The following ZNF689 variants were observed in gnomAD, a reference collection of about 807,000 sequenced individuals.
ZNF689 encodes the protein zinc finger protein 689.
ZNF689 carries 14 observed loss-of-function variants against 37.2 expected under a neutral mutation model. The observed-to-expected ratio is 0.38, with a 90% CI of 0.25 to 0.59. ZNF689 has a LOEUF of 0.59. Ranked by LOEUF, ZNF689 falls within the 20% of genes least tolerant of loss-of-function variation. The probability of loss-of-function intolerance (pLI) is 0.68; values close to 1 mark genes in which losing one functional copy is unlikely to be tolerated. For missense variants in ZNF689, 573 were observed against 700.2 expected (o/e 0.82, Z 2.05); for synonymous variants, 277 against 283.3 (o/e 0.98, Z 0.22).
rs1186285656 is a variant in ZNF689 at position 30,604,103 on chromosome 16, G to A, written c.*161C>T. On this transcript the variant is annotated 3_prime_UTR_variant, in exon 3 of 3. Transcript: ENST00000287461. This position sits in a 1 kb window ranked among gnomAD's most constrained non-coding sequence, Gnocchi z 5.2. ...CTCCTAATGGGACTGTTCCAGACACGCACAGGGAGGCAGCCAGCGCATTGC... is the reference window on the plus strand; with the variant it reads ...CTCCTAATGGGACTGTTCCAGACACACACAGGGAGGCAGCCAGCGCATTGC... The A allele has an allele frequency of 1.2e-6, 1 of 802,832 alleles. No homozygotes were observed. Among genetic ancestry groups the A allele is most frequent in the Non-Finnish European group, 2.1e-6 (1 of 470,118 alleles). 49.7% of individuals were successfully genotyped at this position (802,832 alleles called of 1,614,324 possible).
chr16:30,604,334 C>A lies in ZNF689; in HGVS notation c.1433G>T (p.Ser478Ile). ...AGGGCTACAGTTTGGGGCCTTGGGG[C>A]TACACTTGTGGACAGCCAGAGACCA... ...QRWSLAVHKC[S>I]PKAPNCSPRS... Residue 478 changes from serine to isoleucine, a missense_variant, in exon 3 of 3, where the codon AGC (serine) becomes ATC (isoleucine). By Grantham distance (142) the Ser-to-Ile change is moderately radical (BLOSUM62 -2). Coordinates refer to ENST00000287461, the MANE Select transcript of ZNF689 (RefSeq NM_138447.3). The surrounding 1 kb of genome is among the most constrained non-coding windows in gnomAD (Gnocchi z 5.2). 6.2e-7 allele frequency: 1 copy of A among 1,613,898 alleles called. No homozygotes were observed. Among genetic ancestry groups the A allele is most frequent in the Non-Finnish European group, 8.5e-7 (1 of 1,179,920 alleles).
chr16:30,609,469 T>G, intron 2 of ZNF689, 56 bp downstream of exon 2: 1 of 1,522,424 alleles, frequency 6.6e-7, no homozygotes, highest in Non-Finnish European at 9.1e-7. Context: ...ACAGAGCCGT[T>G]AGAGGTAGAA....
rs1404131542 is a variant in ZNF689 at position 30,610,342 on chromosome 16, G to C, written c.-301C>G. 4.9e-6 allele frequency: 2 copies of C among 406,580 alleles called. No individual in the cohort carries two copies. Among genetic ancestry groups the C allele is most frequent in the South Asian group, 3.6e-5 (1 of 28,072 alleles). The allele number at this position is 406,580 out of a possible 1,614,324, so 25.2% of individuals were successfully genotyped here. A position where few individuals can be genotyped will look rare whatever the true frequency, so the allele number is the denominator to read the frequency against. Reference sequence around the variant, plus strand: ...CTTCCAGCTATCGATTTTATTGACCGGAGCGCCATGCCGGCTTCCTAACCT... The same window carrying C: ...CTTCCAGCTATCGATTTTATTGACCCGAGCGCCATGCCGGCTTCCTAACCT... On this transcript the variant is annotated 5_prime_UTR_variant, in exon 1 of 3. Transcript: ENST00000287461.
intron 2 of ZNF689, among the ~76,000 whole-genome samples, chr16:30,606,986 C>T (rs1227635163): frequency 6.6e-6 from 1 of 151,776 alleles, no homozygotes; most frequent in African/African-American, 2.4e-5. Flanking sequence ...CGTGGTGGCT[C>T]ATGTCTGTAA....
rs2052028557 is a variant in ZNF689, at chr16:30,605,582, C to G, written c.320-135G>C. On this transcript the variant is annotated intron_variant, in intron 2 of 2. Coordinates refer to ENST00000287461, the MANE Select transcript of ZNF689 (RefSeq NM_138447.3). This position sits in a 1 kb window ranked among gnomAD's most constrained non-coding sequence, Gnocchi z 5.1. ...GCCACAGACAGCTAAGTGTGACATACTGTCATGCAAATACGGTGTGCATTA... is the reference window on the plus strand; with the variant it reads ...GCCACAGACAGCTAAGTGTGACATAGTGTCATGCAAATACGGTGTGCATTA... 1.1e-6 allele frequency: 1 copy of G among 884,542 alleles called. No homozygotes were observed. Among genetic ancestry groups the G allele is most frequent in the East Asian group, 2.6e-5 (1 of 37,948 alleles). 54.8% of individuals were successfully genotyped at this position (884,542 alleles called of 1,614,324 possible). A position where few individuals can be genotyped will look rare whatever the true frequency, so the allele number is the denominator to read the frequency against.
rs377496773 is a variant in ZNF689, at chr16:30,604,437, G to A, written c.1330C>T (p.Leu444=). The change falls in exon 3 of 3, where the codon CTG becomes TTG. Residue 444 remains leucine, a synonymous_variant. Transcript: ENST00000287461. The surrounding 1 kb of genome is among the most constrained non-coding windows in gnomAD (Gnocchi z 5.2). ...CSKRFAQWSH[L]AQHQLLHTGE... ...GTGTGCAGCAGCTGGTGCTGGGCCA[G>A]GTGGCTCCACTGAGCAAAACGCTTG... The A allele has an allele frequency of 1.2e-6, 2 of 1,612,968 alleles. No individual in the cohort carries two copies. Among genetic ancestry groups the A allele is most frequent in the African/African-American group, 2.7e-5 (2 of 74,936 alleles).
chr16:30,605,784 C>A lies in ZNF689; in HGVS notation c.320-337G>T, dbSNP rs1488994478. 1.3e-5 allele frequency among the ~76,000 whole-genome samples: 2 copies of A among 152,000 alleles called. No homozygotes were observed. The highest frequency in any genetic ancestry group is 4.8e-5 in the African/African-American group (2 of 41,388). ...AGCAGCCTGACCAACATGGTGAAAC[C>A]CTGTTTCTACTAAAAATACAAAAAT... On this transcript the variant is annotated intron_variant, in intron 2 of 2. Coordinates refer to ENST00000287461, the MANE Select transcript of ZNF689 (RefSeq NM_138447.3). This position sits in a 1 kb window ranked among gnomAD's most constrained non-coding sequence, Gnocchi z 5.1.
At chr16:30,609,388 A>T (rs1389489502) in intron 2 of ZNF689, 137 bp downstream of exon 2, 1 of 674,202 alleles carries the variant, frequency 1.5e-6, no homozygotes, top group Non-Finnish European at 2.5e-6. Flanking sequence ...CCACACCACC[A>T]GACACAAGAG....
In ZNF689 at chr16:30,604,503, C is replaced by A; in HGVS notation, c.1264G>T (p.Val422Leu). The A allele has an allele frequency of 1.3e-6, 2 of 1,597,902 alleles. No homozygotes were observed. Among genetic ancestry groups the A allele is most frequent in the Admixed American group, 1.8e-5 (1 of 56,784 alleles). Residue 422 changes from valine to leucine, a missense_variant, in exon 3 of 3, where the codon GTG becomes TTG. By Grantham distance (32) the Val-to-Leu change is conservative. Coordinates refer to ENST00000287461, the MANE Select transcript of ZNF689 (RefSeq NM_138447.3). This position sits in a 1 kb window ranked among gnomAD's most constrained non-coding sequence, Gnocchi z 5.2. Reference protein sequence around the residue: ...YPSLLASHRRVHSGERPYACD... With the variant: ...YPSLLASHRRLHSGERPYACD... ...GCATAGGGCCGCTCGCCCGAGTGCA[C>A]GCGCCGGTGGCTGGCCAGCAGTGAG...
At position 30,609,818 on chromosome 16, in the gene ZNF689, C is replaced by A; in HGVS notation, c.205+19G>T. ...TGCATCCCTTCGCGCCCCGCGGCAG[C>A]GGATGGGGCCGGCCTCACCGAGCGC... On this transcript the variant is annotated intron_variant, in intron 1 of 2. Transcript: ENST00000287461. 2 of 1,588,586 alleles carry A rather than the reference C, an allele frequency of 1.3e-6. No individual in the cohort carries two copies. The highest frequency in any genetic ancestry group is 1.7e-6 in the Non-Finnish European group (2 of 1,169,130).
chr16:30,610,065 G>A lies in ZNF689; in HGVS notation c.-24C>T, dbSNP rs770093350. On this transcript the variant is annotated 5_prime_UTR_variant, in exon 1 of 3. Transcript: ENST00000287461. ...ATGGGACCCGAGAAGCCGGCGCCAC[G>A]GCCTTCCGTGTCCAGGCCTCGGCCC... 6.4e-7 allele frequency: 1 copy of A among 1,562,858 alleles called. No homozygotes were observed. Among genetic ancestry groups the A allele is most frequent in the South Asian group, 1.2e-5 (1 of 85,592 alleles).
Position 30,605,355 on chromosome 16 carries a change from G to A in ZNF689, c.412C>T (p.Pro138Ser). Reference protein sequence around the residue: ...KGKRGRRPSKPRLIPRQTSGG... With the variant: ...KGKRGRRPSKSRLIPRQTSGG... ...GACGTCTGCCTAGGAATCAGTCGGG[G>A]TTTGCTGGGCCTCCGGCCTCGCTTC... is the stretch of plus-strand genomic sequence containing the variant. Residue 138 changes from proline to serine, a missense_variant, in exon 3 of 3, where the codon CCC becomes TCC. Transcript: ENST00000287461. This position sits in a 1 kb window ranked among gnomAD's most constrained non-coding sequence, Gnocchi z 5.1. The A allele has an allele frequency of 6.2e-7, 1 of 1,613,956 alleles. No homozygotes were observed. The highest frequency in any genetic ancestry group is 8.5e-7 in the Non-Finnish European group (1 of 1,179,914).
In ZNF689 at chr16:30,610,058, GC is replaced by G; in HGVS notation, c.-18del. The G allele has an allele frequency of 1.3e-6, 2 of 1,570,264 alleles. No homozygotes were observed. Among genetic ancestry groups the G allele is most frequent in the Non-Finnish European group, 1.7e-6 (2 of 1,159,656 alleles). ...TGGCGCCATGGGACCCGAGAAGCCG[GC>G]GCCACGGCCTTCCGTGTCCAGGCCT... On this transcript the variant is annotated 5_prime_UTR_variant, in exon 1 of 3. Transcript: ENST00000287461.
chr16:30,603,505 GTTACC>G lies in ZNF689; in HGVS notation c.*754_*758del, dbSNP rs2052000923. On this transcript the variant is annotated 3_prime_UTR_variant, in exon 3 of 3. Transcript: ENST00000287461. ...CCAGAAGGTGTAGTGGCACTGTGGT[GTTACC>G]TTATTTTTATATGACCCTTCAAAAA... The G allele has an allele frequency of 1.3e-5, 2 of 152,672 alleles. No individual in the cohort carries two copies. Among genetic ancestry groups the G allele is most frequent in the Admixed American group, 1.3e-4 (2 of 15,320 alleles). 9.5% of individuals were successfully genotyped at this position (152,672 alleles called of 1,614,324 possible).
chr16:30,606,531 G>A (rs986379650), intron 2 of ZNF689, among the ~76,000 whole-genome samples: 11 of 149,852 alleles, frequency 7.3e-5, no homozygotes, highest in South Asian at 2.1e-4. Flanking sequence ...ACAGAGTCAC[G>A]CTCTGTCACC....
At chr16:30,608,910 G>A (rs1268041042) in intron 2 of ZNF689, among the ~76,000 whole-genome samples, 1 of 152,188 alleles carries the variant, frequency 6.6e-6, no homozygotes, top group East Asian at 1.9e-4. Context: ...CCTGAATGGG[G>A]TTAAGCAGAG....
In ZNF689 at chr16:30,604,296, C is replaced by A. The variant is rs755023012; in HGVS notation, c.1471G>T (p.Gly491Trp). Residue 491 changes from glycine (G) to tryptophan (W), a missense_variant, in exon 3 of 3, where the codon GGG becomes TGG. By Grantham distance (184) the Gly-to-Trp change is radical. Transcript: ENST00000287461. The surrounding 1 kb of genome is among the most constrained non-coding windows in gnomAD (Gnocchi z 5.2). ...APNCSPRSAI[G>W]GSSQRGNAH ...GCGTTGCCCCTCTGACTGGAGCCCC[C>A]GATAGCAGATCTAGGGCTACAGTTT... 5 of 1,614,104 alleles carry A rather than the reference C, an allele frequency of 3.1e-6. No homozygotes were observed. The highest frequency in any genetic ancestry group is 4.2e-6 in the Non-Finnish European group (5 of 1,180,032).
chr16:30,610,247 GCA>G lies in ZNF689; in HGVS notation c.-208_-207del. 1 of 625,530 alleles carries G rather than the reference GCA, an allele frequency of 1.6e-6. No individual in the cohort carries two copies. Among genetic ancestry groups the G allele is most frequent in the Non-Finnish European group, 2.7e-6 (1 of 372,146 alleles). The allele number at this position is 625,530 out of a possible 1,614,324, so 38.7% of individuals were successfully genotyped here. A position where few individuals can be genotyped will look rare whatever the true frequency, so the allele number is the denominator to read the frequency against. ...ACTCCTGCCCGAACTTGGGTGAAAG[GCA>G]CCGGAAGATGCCTTCGGGGAAAATG... is the stretch of plus-strand genomic sequence containing the variant. On this transcript the variant is annotated 5_prime_UTR_variant, in exon 1 of 3. It introduces an in-frame stop codon into an upstream open reading frame of the 5' UTR. Coordinates refer to ENST00000287461, the MANE Select transcript of ZNF689 (RefSeq NM_138447.3).
At chr16:30,609,457 G>T in intron 2 of ZNF689, 68 bp downstream of exon 2, 3 of 1,469,296 alleles carry the variant, frequency 2.0e-6, no homozygotes, top group South Asian at 1.1e-5. Flanking sequence ...CCAAAACTCT[G>T]GACAGAGCCG....
Sources: allele counts gnomAD v4.1 joint callset (sites outside exome capture counted in the v4.1 genomes callset), GRCh38; gene constraint gnomAD v4.1.1; non-coding constraint Gnocchi (gnomAD v3.1); transcripts MANE v1.5; gene names NCBI Gene and HGNC (gene_info 2026-07-23, HGNC 2026-07-21).